TRPC4: variants seen among roughly 807,000 people sequenced by gnomAD.
TRPC4 encodes the protein short transient receptor potential channel 4.
A neutral mutation model predicts 99.4 loss-of-function variants in TRPC4; 49 were observed. That is an observed-to-expected ratio of 0.49 (90% CI 0.39 to 0.63). The LOEUF (loss-of-function observed/expected upper bound fraction) is 0.63, where lower values mean the gene tolerates loss of function less well. Ranked by LOEUF, TRPC4 falls within the 20% of genes least tolerant of loss-of-function variation. TRPC4 has a pLI of 0.00. For synonymous variants in TRPC4, 454 were observed against 425.9 expected, an observed-to-expected ratio of 1.07 and a Z score of -0.81; for missense variants, 898 against 1,152.9, an observed-to-expected ratio of 0.78 and a Z score of 3.20.
At chr13:37,752,348 G>A (rs991134239) in intron 2 of TRPC4, among the ~76,000 whole-genome samples, 1 of 151,610 alleles carries the variant, frequency 6.6e-6, no homozygotes, top group Non-Finnish European at 1.5e-5. Flanking sequence ...AGTGCCTAGC[G>A]GATAGTTGGT....
intron 8 of TRPC4, among the ~76,000 whole-genome samples, chr13:37,646,054 A>G (rs1349002083): frequency 6.6e-6 from 1 of 152,226 alleles, no homozygotes; most frequent in Non-Finnish European, 1.5e-5. Context: ...ACAAATCGCC[A>G]CTATAAATGA....
At chr13:37,653,973 C>T (rs565706249) in intron 7 of TRPC4, among the ~76,000 whole-genome samples, 1 of 152,110 alleles carries the variant, frequency 6.6e-6, no homozygotes, top group Non-Finnish European at 1.5e-5. Context: ...AAATGAAATT[C>T]AAAGTATCCA....
intron 2 of TRPC4, among the ~76,000 whole-genome samples, chr13:37,747,165 G>A (rs531117076): frequency 1.3e-5 from 2 of 152,082 alleles, no homozygotes; most frequent in African/African-American, 2.4e-5. Flanking sequence ...GTTTATGCAC[G>A]ATTTCCTTTG....
intron 3 of TRPC4, among the ~76,000 whole-genome samples, chr13:37,720,052 C>T (rs1954816606): frequency 6.6e-6 from 1 of 151,882 alleles, no homozygotes; most frequent in Non-Finnish European, 1.5e-5. Flanking sequence ...ACTCAACCTG[C>T]TACTATTGCT....
rs143982100 is a variant in TRPC4, at chr13:37,659,480, T to C, written c.1688+3936A>G. On this transcript the variant is annotated intron_variant, in intron 6 of 10. Coordinates refer to ENST00000379705, the MANE Select transcript of TRPC4 (RefSeq NM_016179.4). ...TTTATAAATTACCTAGTCTCAGATA[T>C]TTCTTCATTGCAACAAAAATGGACT... is the stretch of plus-strand genomic sequence containing the variant. Among the ~76,000 whole-genome samples, 23 of 152,234 alleles carry C rather than the reference T, an allele frequency of 1.5e-4. No individual in the cohort carries two copies. In the East Asian group the frequency reaches 4.4e-3, roughly 29 times the overall value.
intron 1 of TRPC4, among the ~76,000 whole-genome samples, chr13:37,834,613 T>C (rs1297927573): frequency 2.6e-5 from 4 of 152,214 alleles, no homozygotes; most frequent in African/African-American, 9.6e-5. Context: ...GTTTTCTCAT[T>C]GACATAGTTT....
intron 2 of TRPC4, among the ~76,000 whole-genome samples, chr13:37,772,858 AG>A (rs1173869050): frequency 1.3e-5 from 2 of 151,704 alleles, no homozygotes; most frequent in Admixed American, 1.3e-4. Context: ...GCCGCCCAAC[AG>A]GGTAATATTG....
chr13:37,793,767 T>A (rs1957179124), intron 1 of TRPC4, among the ~76,000 whole-genome samples: 1 of 152,116 alleles, frequency 6.6e-6, no homozygotes, highest in Admixed American at 6.6e-5. Context: ...AATTTCTTCA[T>A]AAATTGCTGG....
At chr13:37,779,515 T>C (rs1205805146) in intron 2 of TRPC4, among the ~76,000 whole-genome samples, 1 of 152,012 alleles carries the variant, frequency 6.6e-6, no homozygotes, top group Admixed American at 6.6e-5. Context: ...ACCCATCTAT[T>C]TATCTGGAAA....
chr13:37,665,238 A>G (rs1401539350), intron 5 of TRPC4, among the ~76,000 whole-genome samples: 1 of 152,116 alleles, frequency 6.6e-6, no homozygotes, highest in Non-Finnish European at 1.5e-5. Context: ...CACATATTTA[A>G]GTCCGTAACT....
At chr13:37,839,454 T>C (rs894674175) in intron 1 of TRPC4, among the ~76,000 whole-genome samples, 1 of 152,144 alleles carries the variant, frequency 6.6e-6, no homozygotes, top group Admixed American at 6.6e-5. Flanking sequence ...AAAGAGAACA[T>C]GATATCAATG....
At chr13:37,649,657 C>A (rs534522623) in intron 8 of TRPC4, among the ~76,000 whole-genome samples, 12 of 139,804 alleles carry the variant, frequency 8.6e-5, no homozygotes, top group African/African-American at 2.9e-4. Context: ...TGGCGTGAAC[C>A]CGGAAGGCGG....
chr13:37,660,990 A>G (rs1952418620), intron 6 of TRPC4, among the ~76,000 whole-genome samples: 1 of 152,208 alleles, frequency 6.6e-6, no homozygotes, highest in Non-Finnish European at 1.5e-5. Context: ...GGCTATTGAT[A>G]TATACTTTAG....
At chr13:37,759,977 T>C (rs1181634112) in intron 2 of TRPC4, among the ~76,000 whole-genome samples, 21 of 152,038 alleles carry the variant, frequency 1.4e-4, no homozygotes, top group African/African-American at 5.1e-4. Flanking sequence ...TGTGAAATAT[T>C]GTGATGCCAT....
intron 2 of TRPC4, among the ~76,000 whole-genome samples, chr13:37,779,450 A>G (rs75534221): frequency 0.016 from 2,482 of 151,822 alleles, 48 homozygotes; most frequent in African/African-American, 0.056. Context: ...TAAATTCAAT[A>G]CCCTGATTTA....
chr13:37,720,487 T>A (rs1014695733), intron 3 of TRPC4, among the ~76,000 whole-genome samples: 2 of 152,116 alleles, frequency 1.3e-5, no homozygotes, highest in African/African-American at 4.8e-5. Context: ...TTTCCTAGAA[T>A]CATTTTTTCT....
At chr13:37,773,624 T>A (rs1593709726) in intron 2 of TRPC4, among the ~76,000 whole-genome samples, 1 of 151,760 alleles carries the variant, frequency 6.6e-6, no homozygotes, top group East Asian at 1.9e-4. Context: ...ATAGTGGCAT[T>A]GGGGAAGTCC....
chr13:37,821,779 G>T (rs1356689270), intron 1 of TRPC4, among the ~76,000 whole-genome samples: 1 of 151,910 alleles, frequency 6.6e-6, no homozygotes, highest in African/African-American at 2.4e-5. Context: ...ATTGAAACTG[G>T]GTCTTTCCTT....
At chr13:37,745,455 TATATATATATATATATATACACAC>T (rs796089098) in intron 3 of TRPC4, among the ~76,000 whole-genome samples, 64 of 6,954 alleles carry the variant, frequency 9.2e-3, no homozygotes, top group Non-Finnish European at 0.021. Context: ...TATATATATA[TATATATATATATATATATACACAC>T]ACACACACAC....
Sources: allele counts gnomAD v4.1 joint callset (sites outside exome capture counted in the v4.1 genomes callset), GRCh38; gene constraint gnomAD v4.1.1; transcripts MANE v1.5; gene names NCBI Gene and HGNC (gene_info 2026-07-23, HGNC 2026-07-21).